The following CNTRL variants were observed in gnomAD, a reference collection of about 807,000 sequenced individuals.
The protein encoded by CNTRL is 110 kDa centrosomal protein.
A neutral mutation model predicts 303.7 loss-of-function variants in CNTRL; 233 were observed. The ratio of observed to expected loss-of-function variants is 0.77; its 90% CI spans 0.69 to 0.86. CNTRL has a LOEUF of 0.86. Ranked by LOEUF, CNTRL falls within the 40% of genes least tolerant of loss-of-function variation. The pLI, the probability that CNTRL is intolerant of heterozygous loss-of-function variation, is 0.00. For missense variants in CNTRL, 2,524 were observed against 2,650.6 expected (o/e 0.95, Z 1.05); for synonymous variants, 900 against 922.2 (o/e 0.98, Z 0.44).
At chr9:121,171,238 C>A in intron 39 of CNTRL, 170 bp from the exon 40 acceptor site, 1 of 712,748 alleles carries the variant, frequency 1.4e-6, no homozygotes, top group Non-Finnish European at 2.6e-6. Flanking sequence ...TATATACGCC[C>A]AGCTGTATTT....
At chr9:121,113,423 G>C (rs1253222609) in intron 9 of CNTRL, 79 bp from the exon 10 acceptor site, 1 of 691,970 alleles carries the variant, frequency 1.4e-6, no homozygotes, top group Non-Finnish European at 2.4e-6. Flanking sequence ...TGATATGTTT[G>C]CCACTAATAA....
At chr9:121,094,455 A>T (rs2048804018) in intron 4 of CNTRL, among the ~76,000 whole-genome samples, 4 of 152,230 alleles carry the variant, frequency 2.6e-5, no homozygotes, top group Admixed American at 6.5e-5. Flanking sequence ...CAGAACCCTC[A>T]TAACCTAATC....
At chr9:121,176,729 A>G (rs2053541470) in intron 43 of CNTRL, among the ~76,000 whole-genome samples, 1 of 152,178 alleles carries the variant, frequency 6.6e-6, no homozygotes, top group African/African-American at 2.4e-5. Flanking sequence ...ATATGGGATA[A>G]AAGCCTGAAC....
intron 2 of CNTRL, among the ~76,000 whole-genome samples, chr9:121,086,672 GCT>G (rs1286105913): frequency 7.5e-6 from 1 of 133,320 alleles, no homozygotes; most frequent in African/African-American, 2.9e-5. Context: ...ATGGAGTCTC[GCT>G]CTGTTTCCCA....
chr9:121,155,138 C>T (rs1203168109), intron 27 of CNTRL, among the ~76,000 whole-genome samples: 1 of 152,172 alleles, frequency 6.6e-6, no homozygotes, highest in South Asian at 2.1e-4. Flanking sequence ...GCTAAGAATA[C>T]GTAGGCTTTT....
At chr9:121,094,856 T>C in intron 4 of CNTRL, 32 bp from the exon 5 acceptor site, 1 of 1,482,012 alleles carries the variant, frequency 6.7e-7, no homozygotes, top group Non-Finnish European at 9.2e-7. Context: ...TCATCTGTTG[T>C]GTAAAGTATT....
intron 27 of CNTRL, among the ~76,000 whole-genome samples, chr9:121,155,877 C>T (rs1055201698): frequency 6.6e-6 from 1 of 152,174 alleles, no homozygotes; most frequent in Non-Finnish European, 1.5e-5. Context: ...TCCTTACCCA[C>T]ATGAAACACC....
At chr9:121,117,823 C>G (rs570576946) in intron 11 of CNTRL, among the ~76,000 whole-genome samples, 41 of 151,896 alleles carry the variant, frequency 2.7e-4, no homozygotes, top group Non-Finnish European at 4.6e-4. Context: ...ACTAAAAATA[C>G]AAAAAATTAG....
chr9:121,172,504 G>A (rs1373449560), intron 40 of CNTRL, among the ~76,000 whole-genome samples: 1 of 152,122 alleles, frequency 6.6e-6, no homozygotes, highest in East Asian at 1.9e-4. Context: ...AGCTAGGTGT[G>A]GTGGTGTACA....
intron 15 of CNTRL, among the ~76,000 whole-genome samples, chr9:121,137,035 A>C (rs906419052): frequency 6.6e-6 from 1 of 152,158 alleles, no homozygotes; most frequent in Non-Finnish European, 1.5e-5. Flanking sequence ...GAGGAGAGAG[A>C]GCATATAGTA....
rs1365067796 is a variant in CNTRL at position 121,092,895 on chromosome 9, C to T, written c.349-1993C>T. ...GATCTCGGCTCACTGCAACATCCTA[C>T]TCCCTGGTTCAAGGGATTTTCCTGC... On this transcript the variant is annotated intron_variant, in intron 4 of 43. Transcript: ENST00000373855. Among the ~76,000 whole-genome samples, 4 of 143,880 alleles carry T rather than the reference C, an allele frequency of 2.8e-5. 1 individual carries two copies. Among genetic ancestry groups the T allele is most frequent in the Non-Finnish European group, 6.0e-5 (4 of 67,176 alleles). 94.4% of individuals were successfully genotyped at this position (143,880 alleles called of 152,430 possible). A position where few individuals can be genotyped will look rare whatever the true frequency, so the allele number is the denominator to read the frequency against.
chr9:121,164,939 GTAGGGTTT>G lies in CNTRL; in HGVS notation c.5424_5431del (p.Arg1808SerfsTer7). ...TTGACAGTCTGACTTACTCTCTGTG[GTAGGGTTT>G]TAGCAGCAGCAGAAGAAAATAGCAA... On this transcript the variant is annotated splice_acceptor_variant and splice_polypyrimidine_tract_variant and coding_sequence_variant and intron_variant, in exon 35 of 44. Coordinates refer to ENST00000373855, the MANE Select transcript of CNTRL (RefSeq NM_007018.6). LOFTEE classifies it high-confidence loss of function. The G allele has an allele frequency of 6.2e-7, 1 of 1,609,512 alleles. No homozygotes were observed.
intron 8 of CNTRL, chr9:121,111,183 G>A (rs1190674306): frequency 2.0e-5 from 3 of 152,118 alleles, no homozygotes; most frequent in Admixed American, 1.3e-4. Flanking sequence ...GCAGTACATC[G>A]AAGGCAGCAT....
At chr9:121,146,307 T>C in intron 23 of CNTRL, 51 bp downstream of exon 23, 7 of 1,555,278 alleles carry the variant, frequency 4.5e-6, no homozygotes, top group Non-Finnish European at 6.1e-6. Flanking sequence ...TTGAAGAAAG[T>C]GTGACATTGT....
chr9:121,115,555 A>G (rs1433164555), intron 11 of CNTRL, among the ~76,000 whole-genome samples: 2 of 152,190 alleles, frequency 1.3e-5, no homozygotes, highest in South Asian at 2.1e-4. Context: ...CTGCTATAGC[A>G]TGAACATTGT....
chr9:121,084,912 C>T (rs1250564145), intron 2 of CNTRL, among the ~76,000 whole-genome samples: 1 of 152,140 alleles, frequency 6.6e-6, no homozygotes, highest in Non-Finnish European at 1.5e-5. Context: ...TGGTCATGAA[C>T]TTTACCTTTC....
At chr9:121,170,976 C>T (rs966643313) in intron 39 of CNTRL, among the ~76,000 whole-genome samples, 11 of 152,108 alleles carry the variant, frequency 7.2e-5, no homozygotes, top group Admixed American at 5.2e-4. Context: ...TTTCCACTAC[C>T]CTCTGGAGGG....
intron 7 of CNTRL, among the ~76,000 whole-genome samples, chr9:121,102,176 G>A (rs376630850): frequency 1.3e-5 from 2 of 152,180 alleles, no homozygotes; most frequent in Non-Finnish European, 2.9e-5. Context: ...ACCGAATCCA[G>A]CAGCACATCA....
intron 43 of CNTRL, among the ~76,000 whole-genome samples, chr9:121,176,941 T>A (rs997651462): frequency 1.3e-5 from 2 of 151,990 alleles, no homozygotes; most frequent in African/African-American, 2.4e-5. Context: ...GATTTTTTTT[T>A]AAACTAGAAC....
Sources: gnomAD v4.1 joint callset for allele counts (sites outside exome capture counted in the v4.1 genomes callset) on GRCh38, gnomAD v4.1.1 for gene constraint, MANE v1.5 for transcripts, NCBI Gene and HGNC (gene_info 2026-07-23, HGNC 2026-07-21) for gene names.